The following TMEM115 variants were observed in gnomAD, a reference collection of about 807,000 sequenced individuals.
The protein encoded by TMEM115 is PP6.
TMEM115 carries 8 observed loss-of-function variants against 20.1 expected under a neutral mutation model. The ratio of observed to expected loss-of-function variants is 0.40; its 90% CI spans 0.23 to 0.72. The LOEUF (loss-of-function observed/expected upper bound fraction) is 0.72, where lower values mean the gene tolerates loss of function less well. TMEM115 is among the 30% of genes least tolerant of loss of function. The pLI, the probability that TMEM115 is intolerant of heterozygous loss-of-function variation, is 0.39. For synonymous variants in TMEM115, 229 were observed against 206.2 expected, an observed-to-expected ratio of 1.11 and a Z score of -0.95; for missense variants, 374 against 455.1, an observed-to-expected ratio of 0.82 and a Z score of 1.62.
In TMEM115 at chr3:50,355,420, C is replaced by T; in HGVS notation, c.979G>A (p.Ala327Thr). Reference sequence around the variant, plus strand: ...GCCCCCTTCCCTGGGGGTGTGGGAGCTTTGTCTGAGGGCAGGGGGCTGTCC... The same window carrying T: ...GCCCCCTTCCCTGGGGGTGTGGGAGTTTTGTCTGAGGGCAGGGGGCTGTCC... ...KVDSPLPSDK[A>T]PTPPGKGAAP... The change falls in exon 2 of 2, where the codon GCT (alanine) becomes ACT (threonine). Residue 327 changes from alanine (A) to threonine (T), a missense_variant. Physicochemically the swap from Ala to Thr is moderately conservative, Grantham distance 58 (BLOSUM62 0). Coordinates refer to ENST00000266025, the MANE Select transcript of TMEM115 (RefSeq NM_007024.5). The T allele has an allele frequency of 6.3e-7, 1 of 1,588,636 alleles. No individual in the cohort carries two copies. The highest frequency in any genetic ancestry group is 1.8e-5 in the Admixed American group (1 of 56,836).
In TMEM115 at chr3:50,358,562, C is replaced by T; in HGVS notation, c.502G>A (p.Val168Met). ...VLRVPQVRVS[V>M]MPMLLLALLL... ...AGCGCCAGCAGCAGCATGGGCATCA[C>T]ACTGACGCGCACCTGGGGCACTCGC... The change falls in exon 1 of 2, where the codon GTG (valine) becomes ATG (methionine). Residue 168 changes from valine to methionine, a missense_variant. Transcript: ENST00000266025. The T allele has an allele frequency of 1.2e-6, 2 of 1,609,926 alleles. No homozygotes were observed. The highest frequency in any genetic ancestry group is 1.7e-4 in the Middle Eastern group (1 of 6,054).
In TMEM115 at chr3:50,358,637, C is replaced by A; in HGVS notation, c.427G>T (p.Gly143Cys). The A allele has an allele frequency of 6.2e-7, 1 of 1,612,860 alleles. No homozygotes were observed. The highest frequency in any genetic ancestry group is 8.5e-7 in the Non-Finnish European group (1 of 1,179,776). The change falls in exon 1 of 2, where the codon GGT (glycine) becomes TGT (cysteine). Residue 143 changes from glycine (G) to cysteine (C), a missense_variant. Coordinates refer to ENST00000266025, the MANE Select transcript of TMEM115 (RefSeq NM_007024.5). ...TGCTTGAGTGCCACCAGGACGCCACCTAGGAAGCCCAAGGCGCCGTGGATA... is the reference window on the plus strand; with the variant it reads ...TGCTTGAGTGCCACCAGGACGCCACATAGGAAGCCCAAGGCGCCGTGGATA... The part of the protein sequence containing the change: ...VRIHGALGFL[G>C]GVLVALKQTM...
At chr3:50,356,608 T>A (rs587729866) in intron 1 of TMEM115, among the ~76,000 whole-genome samples, 8 of 152,330 alleles carry the variant, frequency 5.3e-5, no homozygotes, top group Non-Finnish European at 1.0e-4. Flanking sequence ...CTTTCCCTGC[T>A]GCTACCCAGG....
intron 1 of TMEM115, 179 bp downstream of exon 1, chr3:50,358,034 G>T: frequency 1.3e-6 from 1 of 770,078 alleles, no homozygotes; most frequent in South Asian, 1.9e-5. Context: ...AGTGCCTCGT[G>T]GACCCCAGAC....
Position 50,358,900 on chromosome 3 carries a change from G to A in TMEM115, c.164C>T (p.Pro55Leu). The part of the protein sequence containing the change: ...LAVTPGYLFP[P>L]NFWIWTLATH... ...GGCCAGGGTCCAGATCCAGAAGTTG[G>A]GAGGAAAGAGGTAGCCCGGGGTGAC... Residue 55 changes from proline to leucine, a missense_variant, in exon 1 of 2, where the codon CCC (proline) becomes CTC (leucine). Physicochemically the swap from Pro to Leu is moderately conservative, Grantham distance 98. Coordinates refer to ENST00000266025, the MANE Select transcript of TMEM115 (RefSeq NM_007024.5). 1.2e-6 allele frequency: 2 copies of A among 1,613,148 alleles called. No homozygotes were observed. The highest frequency in any genetic ancestry group is 1.7e-6 in the Non-Finnish European group (2 of 1,179,982).
At chr3:50,357,443 G>A (rs1327771940) in intron 1 of TMEM115, among the ~76,000 whole-genome samples, 2 of 152,250 alleles carry the variant, frequency 1.3e-5, no homozygotes, top group African/African-American at 4.8e-5. Flanking sequence ...AAATGGAGCT[G>A]TGGATCTTAT....
rs1703852726 is a variant in TMEM115 at position 50,355,398 on chromosome 3, C to T, written c.1001G>A (p.Gly334Glu). 3 of 1,571,290 alleles carry T rather than the reference C, an allele frequency of 1.9e-6. No homozygotes were observed. Among genetic ancestry groups the T allele is most frequent in the African/African-American group, 2.7e-5 (2 of 72,992 alleles). ...SDKAPTPPGK[G>E]AAPESSLITF... ...GATTAGACTGGATTCTGGGGCAGCCCCCTTCCCTGGGGGTGTGGGAGCTTT... is the reference window on the plus strand; with the variant it reads ...GATTAGACTGGATTCTGGGGCAGCCTCCTTCCCTGGGGGTGTGGGAGCTTT... The change falls in exon 2 of 2, where the codon GGG becomes GAG. Residue 334 changes from glycine to glutamate, a missense_variant. Physicochemically the swap from Gly to Glu is moderately conservative, Grantham distance 98. Coordinates refer to ENST00000266025, the MANE Select transcript of TMEM115 (RefSeq NM_007024.5).
chr3:50,358,143 C>T lies in TMEM115; in HGVS notation c.851+70G>A. ...GTCTCCACCTATGTACAGCGAACAC[C>T]TCAACAGATGGCATGTGACTCGACC... On this transcript the variant is annotated intron_variant, in intron 1 of 1. Coordinates refer to ENST00000266025, the MANE Select transcript of TMEM115 (RefSeq NM_007024.5). The T allele has an allele frequency of 1.9e-6, 3 of 1,572,254 alleles. No individual in the cohort carries two copies. The East Asian group carries it at 6.7e-5, about 35-fold the overall frequency.
chr3:50,355,336 T>C lies in TMEM115; in HGVS notation c.*7A>G. ...AGGGGAGGTGCCACACTCAAGGTGG[T>C]CTGGAGTTACAGCGTCGGGGGAGCT... On this transcript the variant is annotated 3_prime_UTR_variant, in exon 2 of 2. Transcript: ENST00000266025. The C allele has an allele frequency of 2.7e-6, 4 of 1,477,658 alleles. No individual in the cohort carries two copies. Among genetic ancestry groups the C allele is most frequent in the Non-Finnish European group, 2.7e-6 (3 of 1,109,546 alleles). The allele number at this position is 1,477,658 out of a possible 1,614,324, so 91.5% of individuals were successfully genotyped here. A position where few individuals can be genotyped will look rare whatever the true frequency, so the allele number is the denominator to read the frequency against.
chr3:50,355,312 G>A lies in TMEM115; in HGVS notation c.*31C>T. On this transcript the variant is annotated 3_prime_UTR_variant, in exon 2 of 2. Coordinates refer to ENST00000266025, the MANE Select transcript of TMEM115 (RefSeq NM_007024.5). ...AGAGGATGTCAAGGGGGGCTTGGGA[G>A]GGGAGGTGCCACACTCAAGGTGGTC... is the stretch of plus-strand genomic sequence containing the variant. The A allele has an allele frequency of 6.9e-7, 1 of 1,440,412 alleles. No homozygotes were observed. The highest frequency in any genetic ancestry group is 9.2e-7 in the Non-Finnish European group (1 of 1,083,068). The allele number at this position is 1,440,412 out of a possible 1,614,324, so 89.2% of individuals were successfully genotyped here. A position where few individuals can be genotyped will look rare whatever the true frequency, so the allele number is the denominator to read the frequency against.
At chr3:50,356,558 G>A (rs1022332377) in intron 1 of TMEM115, among the ~76,000 whole-genome samples, 1 of 151,448 alleles carries the variant, frequency 6.6e-6, no homozygotes, top group Admixed American at 6.6e-5. Flanking sequence ...CCCCCTGCCC[G>A]TCAGTCTCAC....
rs770207215 is a variant in TMEM115 at position 50,358,256 on chromosome 3, T to C, written c.808A>G (p.Ile270Val). Residue 270 changes from isoleucine to valine, a missense_variant, in exon 1 of 2, where the codon ATC becomes GTC. By Grantham distance (29) the Ile-to-Val change is conservative (BLOSUM62 3). Coordinates refer to ENST00000266025, the MANE Select transcript of TMEM115 (RefSeq NM_007024.5). ...YDVGAPSSIT[I>V]SLPGTDPQDA... is the part of the protein sequence containing the mutation. ...TGAGGGTCTGTGCCTGGCAGGCTGA[T>C]GGTGATGGAGGATGGGGCACCCACA... 13 of 1,613,638 alleles carry C rather than the reference T, an allele frequency of 8.1e-6. No individual in the cohort carries two copies. Among genetic ancestry groups the C allele is most frequent in the African/African-American group, 8.0e-5 (6 of 74,882 alleles).
intron 1 of TMEM115, among the ~76,000 whole-genome samples, chr3:50,357,539 G>A (rs773763561): frequency 5.3e-5 from 8 of 152,142 alleles, no homozygotes; most frequent in Non-Finnish European, 1.2e-4. Context: ...CCTGGCCAAA[G>A]TGCATTCAGT....
intron 1 of TMEM115, among the ~76,000 whole-genome samples, chr3:50,356,924 T>G (rs587608729): frequency 1.3e-5 from 2 of 151,258 alleles, no homozygotes; most frequent in Non-Finnish European, 3.0e-5. Flanking sequence ...TAGGCAGAGG[T>G]TTTTGAATGT....
At position 50,358,691 on chromosome 3, in the gene TMEM115, A is replaced by C; in HGVS notation, c.373T>G (p.Phe125Val). The C allele has an allele frequency of 6.2e-7, 1 of 1,613,522 alleles. No individual in the cohort carries two copies. Among genetic ancestry groups the C allele is most frequent in the Non-Finnish European group, 8.5e-7 (1 of 1,180,024 alleles). The change falls in exon 1 of 2, where the codon TTC becomes GTC. Residue 125 changes from phenylalanine to valine, a missense_variant. Coordinates refer to ENST00000266025, the MANE Select transcript of TMEM115 (RefSeq NM_007024.5). ...FAYLLTYMAS[F>V]NLVYLFTVRI... ...ACAGTGAACAGGTAGACCAGGTTGA[A>C]GGAAGCCATGTAGGTGAGGAGGTAG... is the stretch of plus-strand genomic sequence containing the variant.
chr3:50,358,872 G>A lies in TMEM115; in HGVS notation c.192C>T (p.Thr64=). ...PPNFWIWTLA[T]HGLMEQHVWD... ...ACACATGCTGCTCCATCAGCCCATG[G>A]GTGGCCAGGGTCCAGATCCAGAAGT... The change falls in exon 1 of 2, where the codon ACC becomes ACT. Residue 64 remains threonine, a synonymous_variant. Coordinates refer to ENST00000266025, the MANE Select transcript of TMEM115 (RefSeq NM_007024.5). 1 of 1,613,306 alleles carries A rather than the reference G, an allele frequency of 6.2e-7. No homozygotes were observed. The highest frequency in any genetic ancestry group is 8.5e-7 in the Non-Finnish European group (1 of 1,180,026).
chr3:50,359,177 A>ATGGCCCTGG lies in TMEM115; in HGVS notation c.-123_-115dup. 1 of 1,407,466 alleles carries ATGGCCCTGG rather than the reference A, an allele frequency of 7.1e-7. No homozygotes were observed. Among genetic ancestry groups the ATGGCCCTGG allele is most frequent in the Non-Finnish European group, 9.4e-7 (1 of 1,069,164 alleles). The allele number at this position is 1,407,466 out of a possible 1,614,324, so 87.2% of individuals were successfully genotyped here. On this transcript the variant is annotated 5_prime_UTR_variant, in exon 1 of 2. Coordinates refer to ENST00000266025, the MANE Select transcript of TMEM115 (RefSeq NM_007024.5). ...CCAGGCCCGGCCTAGTCACTGGCCT[A>ATGGCCCTGG]TGGCCCTGGTAAAGGATCCGCTTCC... is the stretch of plus-strand genomic sequence containing the variant.
chr3:50,358,947 G>A lies in TMEM115; in HGVS notation c.117C>T (p.Ala39=), dbSNP rs781476151. The A allele has an allele frequency of 1.8e-5, 29 of 1,611,994 alleles. No homozygotes were observed. The highest frequency in any genetic ancestry group is 2.0e-5 in the Non-Finnish European group (24 of 1,179,686). The change falls in exon 1 of 2, where the codon GCC becomes GCT. Residue 39 remains alanine, a synonymous_variant. Coordinates refer to ENST00000266025, the MANE Select transcript of TMEM115 (RefSeq NM_007024.5). Reference sequence around the variant, plus strand: ...TGACCGCCAGGCAGCCTGTGTCCACGGCGAAGGAGAGCAGGTAGAGGAATA... The same window carrying A: ...TGACCGCCAGGCAGCCTGTGTCCACAGCGAAGGAGAGCAGGTAGAGGAATA... The part of the protein sequence containing the change: ...AVLFLYLLSF[A]VDTGCLAVTP...
chr3:50,355,366 C>T lies in TMEM115; in HGVS notation c.1033G>A (p.Glu345Lys), dbSNP rs764428862. 3.0e-5 allele frequency: 46 copies of T among 1,511,166 alleles called. No homozygotes were observed. Among genetic ancestry groups the T allele is most frequent in the South Asian group, 9.2e-5 (7 of 76,052 alleles). The allele number at this position is 1,511,166 out of a possible 1,614,324, so 93.6% of individuals were successfully genotyped here. A position where few individuals can be genotyped will look rare whatever the true frequency, so the allele number is the denominator to read the frequency against. ...AGTTACAGCGTCGGGGGAGCTGCCT[C>T]GAAGGTGATTAGACTGGATTCTGGG... ...AAPESSLITF[E>K]AAPPTL The change falls in exon 2 of 2, where the codon GAG (glutamate) becomes AAG (lysine). Residue 345 changes from glutamate (E) to lysine (K), a missense_variant. By Grantham distance (56) the Glu-to-Lys change is moderately conservative (BLOSUM62 1). Transcript: ENST00000266025.
Sources: allele counts gnomAD v4.1 joint callset (sites outside exome capture counted in the v4.1 genomes callset), GRCh38; gene constraint gnomAD v4.1.1; transcripts MANE v1.5; gene names NCBI Gene and HGNC (gene_info 2026-07-23, HGNC 2026-07-21).